SHISA9: variants seen among roughly 807,000 people sequenced by gnomAD.
SHISA9 encodes shisa family member 9.
Under a neutral mutation model 38.0 loss-of-function variants are expected in SHISA9, and 13 were observed. The observed-to-expected ratio is 0.34, with a 90% CI of 0.22 to 0.54. SHISA9 has a LOEUF of 0.54. SHISA9 is among the 20% of genes least tolerant of loss of function. The pLI, the probability that SHISA9 is intolerant of heterozygous loss-of-function variation, is 0.91. For missense variants in SHISA9, 538 were observed against 575.8 expected, an observed-to-expected ratio of 0.93 and a Z score of 0.67; for synonymous variants, 275 against 242.0, an observed-to-expected ratio of 1.14 and a Z score of -1.27.
At chr16:13,119,371 G>A (rs2074063121) in intron 2 of SHISA9, among the ~76,000 whole-genome samples, 1 of 152,156 alleles carries the variant, frequency 6.6e-6, no homozygotes, top group South Asian at 2.1e-4. Context: ...ATTTCAGTAT[G>A]ACATAGGAAT....
intron 2 of SHISA9, among the ~76,000 whole-genome samples, chr16:13,065,057 T>C (rs2073419155): frequency 6.6e-6 from 1 of 152,208 alleles, no homozygotes. Flanking sequence ...TTTGACAATG[T>C]GGTCAGTCTG....
chr16:13,288,006 G>C, the SHISA9 span, among the ~76,000 whole-genome samples: 2 of 152,126 alleles, frequency 1.3e-5, no homozygotes. Flanking sequence ...GTGACAGTGA[G>C]TTCACTTTTG....
At chr16:13,205,110 G>A (rs939106510) in intron 3 of SHISA9, among the ~76,000 whole-genome samples, 4 of 152,158 alleles carry the variant, frequency 2.6e-5, no homozygotes, top group South Asian at 2.1e-4. Flanking sequence ...CACCTGGAGA[G>A]CAGGTAAAAT....
At chr16:12,948,506 A>G (rs1028534565) in intron 2 of SHISA9, among the ~76,000 whole-genome samples, 17 of 152,240 alleles carry the variant, frequency 1.1e-4, no homozygotes, top group African/African-American at 4.1e-4. Context: ...AGTAGCTCAC[A>G]CACAAAAGAA....
At chr16:13,393,862 C>G in the SHISA9 span, among the ~76,000 whole-genome samples, 5 of 152,180 alleles carry the variant, frequency 3.3e-5, no homozygotes, top group Admixed American at 6.5e-5. Flanking sequence ...CCCTTGAAAT[C>G]CTGGCATAGG....
At chr16:13,561,242 T>C in the SHISA9 span, among the ~76,000 whole-genome samples, 2 of 152,182 alleles carry the variant, frequency 1.3e-5, no homozygotes, top group Non-Finnish European at 2.9e-5. Context: ...CAGTTATTAG[T>C]CCCAGAATAT....
At chr16:13,464,169 T>C in the SHISA9 span, among the ~76,000 whole-genome samples, 3 of 152,178 alleles carry the variant, frequency 2.0e-5, no homozygotes, top group Non-Finnish European at 4.4e-5. Flanking sequence ...AGAGTAATTG[T>C]GAGGATTGGA....
chr16:13,002,533 C>CTTTTT (rs35810010), intron 2 of SHISA9, among the ~76,000 whole-genome samples: 4 of 125,626 alleles, frequency 3.2e-5, no homozygotes, highest in Non-Finnish European at 1.7e-5. Flanking sequence ...TGGTTCCTGT[C>CTTTTT]TTTTTTTTTT....
the SHISA9 span, among the ~76,000 whole-genome samples, chr16:13,471,759 C>T: frequency 6.6e-6 from 1 of 152,180 alleles, no homozygotes; most frequent in Non-Finnish European, 1.5e-5. Flanking sequence ...GCCTAGCCCA[C>T]CGTGAGTAAC....
At chr16:13,052,804 G>A (rs1165270755) in intron 2 of SHISA9, among the ~76,000 whole-genome samples, 1 of 152,044 alleles carries the variant, frequency 6.6e-6, no homozygotes, top group Non-Finnish European at 1.5e-5. Flanking sequence ...GTGCTGGATA[G>A]GTATTTGGTT....
chr16:13,197,956 G>A (rs2050964175), intron 2 of SHISA9, among the ~76,000 whole-genome samples: 1 of 152,074 alleles, frequency 6.6e-6, no homozygotes, highest in South Asian at 2.1e-4. Context: ...AGGCCAAGGC[G>A]GGCAGATCAC....
the SHISA9 span, chr16:13,258,262 T>A: frequency 5.9e-5 from 9 of 152,208 alleles, no homozygotes; most frequent in Non-Finnish European, 7.3e-5. Context: ...TAAAAAATTC[T>A]TAGACAGATC....
chr16:13,131,971 C>G (rs7205774), intron 2 of SHISA9, among the ~76,000 whole-genome samples: 80 of 152,316 alleles, frequency 5.3e-4, no homozygotes, highest in African/African-American at 1.9e-3. Flanking sequence ...ACTGTTTAGT[C>G]TTCAGTCCTG....
chr16:13,407,635 G>A, the SHISA9 span, among the ~76,000 whole-genome samples: 1 of 152,242 alleles, frequency 6.6e-6, no homozygotes, highest in East Asian at 1.9e-4. Context: ...AGGGTAATGT[G>A]TCCTGTCTAA....
At chr16:13,052,504 C>T (rs991992537) in intron 2 of SHISA9, among the ~76,000 whole-genome samples, 6 of 152,126 alleles carry the variant, frequency 3.9e-5, no homozygotes, top group African/African-American at 1.4e-4. Context: ...CATGAATCAA[C>T]CATGAATCTC....
Position 13,225,550 on chromosome 16 carries a change from A to G in SHISA9, c.896-9480A>G, listed in dbSNP as rs145446620. Among the ~76,000 whole-genome samples the G allele has an allele frequency of 1.3e-3, 198 of 152,322 alleles. 2 individuals carry two copies. The highest frequency in any genetic ancestry group is 4.5e-3 in the African/African-American group (189 of 41,574). On this transcript the variant is annotated intron_variant, in intron 4 of 4. Coordinates refer to ENST00000558583, the MANE Select transcript of SHISA9 (RefSeq NM_001145204.3). ...GCGAAAGGCAGAAACCGATGAGGAA[A>G]TGTGAAAGCTTTGGTTGGGGCATTG...
chr16:13,070,811 G>A (rs1014634283), intron 2 of SHISA9, among the ~76,000 whole-genome samples: 1 of 152,184 alleles, frequency 6.6e-6, no homozygotes, highest in African/African-American at 2.4e-5. Context: ...TCATACAGTG[G>A]CTAAGTGCAG....
intron 2 of SHISA9, among the ~76,000 whole-genome samples, chr16:13,097,403 G>A (rs550469092): frequency 2.6e-5 from 4 of 151,466 alleles, no homozygotes; most frequent in Non-Finnish European, 5.9e-5. Flanking sequence ...CGACATCATA[G>A]TGGCATTGTC....
At chr16:13,492,050 C>A in the SHISA9 span, among the ~76,000 whole-genome samples, 1 of 151,524 alleles carries the variant, frequency 6.6e-6, no homozygotes, top group African/African-American at 2.4e-5. Context: ...TTCCAGACCC[C>A]ACCTTTGTCC....
Sources: gnomAD v4.1 joint callset for allele counts (sites outside exome capture counted in the v4.1 genomes callset) on GRCh38, gnomAD v4.1.1 for gene constraint, MANE v1.5 for transcripts, NCBI Gene and HGNC (gene_info 2026-07-23, HGNC 2026-07-21) for gene names.